EIF4G3: variants seen among roughly 807,000 people sequenced by gnomAD.
EIF4G3 encodes the protein eIF-4-gamma 3.
Under a neutral mutation model 186.4 loss-of-function variants are expected in EIF4G3, and 34 were observed. The ratio of observed to expected loss-of-function variants is 0.18; its 90% confidence interval spans 0.14 to 0.24. The LOEUF (loss-of-function observed/expected upper bound fraction) is 0.24, where lower values mean the gene tolerates loss of function less well. EIF4G3 is among the 10% of genes least tolerant of loss of function. The pLI is 1.00. For missense variants in EIF4G3, 1,536 were observed against 1,948.5 expected, an observed-to-expected ratio of 0.79 and a Z score of 3.99; for synonymous variants, 673 against 679.5, an observed-to-expected ratio of 0.99 and a Z score of 0.15.
chr1:20,959,655 CAATAATAATAATAATAAT>C (rs61144464), intron 12 of EIF4G3, among the ~76,000 whole-genome samples: 5,045 of 142,504 alleles, frequency 0.035, 298 homozygotes, highest in African/African-American at 0.12. Flanking sequence ...AACAAATCAG[CAATAATAATAATAATAAT>C]AATAATAATA....
At chr1:20,939,037 C>T (rs1035460617) in intron 14 of EIF4G3, among the ~76,000 whole-genome samples, 2 of 150,158 alleles carry the variant, frequency 1.3e-5, no homozygotes, top group East Asian at 3.9e-4. Context: ...AACCTGGGAG[C>T]CAGAGGTTGC....
At chr1:20,993,081 C>T (rs2081467662) in intron 7 of EIF4G3, among the ~76,000 whole-genome samples, 1 of 152,138 alleles carries the variant, frequency 6.6e-6, no homozygotes, top group East Asian at 1.9e-4. Context: ...TCTAAAAGCT[C>T]TTCAGGTTAT....
At chr1:20,811,994 A>C (rs2059339830) in intron 35 of EIF4G3, among the ~76,000 whole-genome samples, 1 of 152,214 alleles carries the variant, frequency 6.6e-6, no homozygotes, top group Admixed American at 6.5e-5. Flanking sequence ...TAACATACCT[A>C]ATCTAGGCCT....
At chr1:20,930,283 A>G (rs7513560) in intron 14 of EIF4G3, among the ~76,000 whole-genome samples, 143,787 of 152,166 alleles carry the variant, frequency 0.94, 68,447 homozygotes, top group Middle Eastern at 1. Context: ...TTGCTCCAAC[A>G]CTTGACTGCT....
chr1:21,073,447 A>T (rs2095500081), intron 3 of EIF4G3, among the ~76,000 whole-genome samples: 5 of 152,222 alleles, frequency 3.3e-5, no homozygotes, highest in Admixed American at 3.3e-4. Flanking sequence ...GCCACCAATC[A>T]TCAGGAGGCT....
intron 2 of EIF4G3, among the ~76,000 whole-genome samples, chr1:21,151,184 T>C (rs547608052): frequency 6.6e-6 from 1 of 151,710 alleles, no homozygotes; most frequent in African/African-American, 2.4e-5. Context: ...TGCACTTTTT[T>C]ATATCAGTAA....
intron 29 of EIF4G3, chr1:20,847,996 T>C (rs2071772757): frequency 2.7e-6 from 1 of 364,120 alleles, no homozygotes; most frequent in East Asian, 7.8e-5. Flanking sequence ...TGAGACAGTC[T>C]CACTCTGTCA....
rs16825015 is a variant in EIF4G3 at position 21,111,803 on chromosome 1, T to C, written c.-271-22590A>G. Among the ~76,000 whole-genome samples, 853 of 152,340 alleles carry C rather than the reference T, an allele frequency of 5.6e-3. 9 individuals are homozygous for C. The highest frequency in any genetic ancestry group is 0.02 in the African/African-American group (819 of 41,574). ...TTCCTGAAAGAATGTCTCTCTGCCA[T>C]GAAAGCTGTTAATTCTGATTTAACA... On this transcript the variant is annotated intron_variant, in intron 2 of 36. Coordinates refer to ENST00000602326, the MANE Select transcript of EIF4G3 (RefSeq NM_001391906.1).
chr1:20,918,042 C>T (rs1467387290), intron 14 of EIF4G3, among the ~76,000 whole-genome samples: 1 of 151,910 alleles, frequency 6.6e-6, no homozygotes, highest in African/African-American at 2.4e-5. Context: ...TTATCTTTTA[C>T]TTTTTGTTTT....
At chr1:21,105,466 C>T (rs990477134) in intron 2 of EIF4G3, among the ~76,000 whole-genome samples, 46 of 151,680 alleles carry the variant, frequency 3.0e-4, no homozygotes, top group African/African-American at 1.1e-3. Context: ...TACACCAAAC[C>T]CCCACCATGA....
chr1:21,030,312 C>A (rs1324885658), intron 4 of EIF4G3, among the ~76,000 whole-genome samples: 1 of 152,200 alleles, frequency 6.6e-6, no homozygotes, highest in Non-Finnish European at 1.5e-5. Context: ...TGAGAGATGA[C>A]TGAATTATGG....
chr1:20,895,607 TACA>T (rs2087696826), intron 16 of EIF4G3, 106 bp from the exon 17 acceptor site: 1 of 1,216,700 alleles, frequency 8.2e-7, no homozygotes, highest in South Asian at 1.5e-5. Context: ...CAACTGCATA[TACA>T]ACATTATAGC....
intron 2 of EIF4G3, among the ~76,000 whole-genome samples, chr1:21,095,403 C>A (rs1384157794): frequency 6.6e-6 from 1 of 152,156 alleles, no homozygotes; most frequent in Non-Finnish European, 1.5e-5. Context: ...CAGCCTCAAC[C>A]TTCTGGGCTC....
intron 3 of EIF4G3, among the ~76,000 whole-genome samples, chr1:21,074,634 G>T (rs115087402): frequency 6.6e-6 from 1 of 151,624 alleles, no homozygotes; most frequent in Non-Finnish European, 1.5e-5. Context: ...TAATTCAAAC[G>T]CATTAAACAG....
In EIF4G3 at chr1:20,827,007, A is replaced by G. The variant is rs562664109; in HGVS notation, c.4269+610T>C. Among the ~76,000 whole-genome samples, 3 of 152,310 alleles carry G rather than the reference A, an allele frequency of 2.0e-5. No homozygotes were observed. In the South Asian group the frequency reaches 6.2e-4, roughly 32 times the overall value. ...AAGGACTTCTGTATCAGAGGGAGGA[A>G]TGAAACACTGACTTTAAACATTAAA... On this transcript the variant is annotated intron_variant, in intron 32 of 36. Transcript: ENST00000602326.
At chr1:20,808,577 A>G (rs1344565534) in intron 36 of EIF4G3, among the ~76,000 whole-genome samples, 1 of 152,070 alleles carries the variant, frequency 6.6e-6, no homozygotes, top group Non-Finnish European at 1.5e-5. Flanking sequence ...GCTACTAGGG[A>G]GGCTGAGACA....
At chr1:20,993,196 C>G (rs895091117) in intron 7 of EIF4G3, among the ~76,000 whole-genome samples, 1 of 152,160 alleles carries the variant, frequency 6.6e-6, no homozygotes, top group Non-Finnish European at 1.5e-5. Flanking sequence ...ATAATCCTAA[C>G]TGGAGCATGG....
At chr1:20,944,623 T>C (rs2095863713) in intron 13 of EIF4G3, among the ~76,000 whole-genome samples, 1 of 152,102 alleles carries the variant, frequency 6.6e-6, no homozygotes, top group Non-Finnish European at 1.5e-5. Context: ...AAATATCTAA[T>C]AAGAGTATGT....
rs79617621 is a variant in EIF4G3 at position 20,976,038 on chromosome 1, G to A, written c.494-2939C>T. Among the ~76,000 whole-genome samples the A allele has an allele frequency of 5.2e-3, 791 of 151,538 alleles. 8 individuals carry two copies. Among genetic ancestry groups the A allele is most frequent in the African/African-American group, 0.017 (687 of 41,332 alleles). On this transcript the variant is annotated intron_variant, in intron 10 of 36. Transcript: ENST00000602326. Reference sequence around the variant, plus strand: ...TTACTGATCCCAGTTCTAAATCAGTGGTTCCCAAACCTCAGTCTATATAAA... The same window carrying A: ...TTACTGATCCCAGTTCTAAATCAGTAGTTCCCAAACCTCAGTCTATATAAA...
Sources: gnomAD v4.1 joint callset for allele counts (sites outside exome capture counted in the v4.1 genomes callset) on GRCh38, gnomAD v4.1.1 for gene constraint, MANE v1.5 for transcripts, NCBI Gene and HGNC (gene_info 2026-07-23, HGNC 2026-07-21) for gene names.